CNGA3: variants seen among roughly 807,000 people sequenced by gnomAD.
CNGA3 encodes the protein cyclic nucleotide-gated channel alpha-3.
In CNGA3, 42 loss-of-function variants were observed where a neutral mutation model predicts 46.6. The ratio of observed to expected loss-of-function variants is 0.90; its 90% CI spans 0.70 to 1.17. CNGA3 has a LOEUF of 1.17. CNGA3 is among the 50% of genes most tolerant of loss of function. The probability of loss-of-function intolerance (pLI) is 0.00; values close to 1 mark genes in which losing one functional copy is unlikely to be tolerated. For synonymous variants in CNGA3, 394 were observed against 369.4 expected, an observed-to-expected ratio of 1.07 and a Z score of -0.76; for missense variants, 893 against 890.7, an observed-to-expected ratio of 1.00 and a Z score of -0.03.
At chr2:98,353,875 G>C (rs975153973) in intron 1 of CNGA3, among the ~76,000 whole-genome samples, 2 of 152,162 alleles carry the variant, frequency 1.3e-5, no homozygotes, top group Admixed American at 1.3e-4. Context: ...AGGGGCAAGT[G>C]GGGGAGGTGT....
At chr2:98,369,798 C>A in intron 1 of CNGA3, 141 bp from the exon 2 acceptor site, 1 of 627,880 alleles carries the variant, frequency 1.6e-6, no homozygotes, top group Non-Finnish European at 2.9e-6. Context: ...CTCACTGCAG[C>A]AGGAACTACA....
chr2:98,383,221 C>T (rs1692576075), intron 4 of CNGA3, among the ~76,000 whole-genome samples, 167 bp from the exon 5 acceptor site: 1 of 152,192 alleles, frequency 6.6e-6, no homozygotes, highest in African/African-American at 2.4e-5. Context: ...AATCACAAAG[C>T]ATTTTGGCCT....
chr2:98,355,256 C>T (rs1361723421), intron 1 of CNGA3, among the ~76,000 whole-genome samples: 2 of 152,122 alleles, frequency 1.3e-5, no homozygotes, highest in Admixed American at 1.3e-4. Context: ...TCGAAGTGTC[C>T]TTTCATGTAA....
At chr2:98,390,468 G>T (rs1162782340) in intron 6 of CNGA3, among the ~76,000 whole-genome samples, 2 of 152,084 alleles carry the variant, frequency 1.3e-5, no homozygotes, top group Non-Finnish European at 2.9e-5. Context: ...CTTCTAATAA[G>T]CAGAAGAGGG....
chr2:98,371,127 G>A (rs1692277897), intron 2 of CNGA3, among the ~76,000 whole-genome samples: 1 of 152,158 alleles, frequency 6.6e-6, no homozygotes, highest in Non-Finnish European at 1.5e-5. Context: ...ACCCAGCCAT[G>A]TTTGTTAAAT....
intron 1 of CNGA3, among the ~76,000 whole-genome samples, chr2:98,366,634 C>G (rs1427832840): frequency 2.0e-5 from 3 of 152,198 alleles, no homozygotes; most frequent in Non-Finnish European, 4.4e-5. Context: ...AGGGATGGGT[C>G]TGGGTTTAGC....
chr2:98,374,516 G>A (rs1028070667), intron 2 of CNGA3, among the ~76,000 whole-genome samples: 1 of 152,200 alleles, frequency 6.6e-6, no homozygotes, highest in African/African-American at 2.4e-5. Flanking sequence ...GCCACAGGCA[G>A]AACAGAGCCT....
Position 98,372,776 on chromosome 2 carries a change from T to C in CNGA3, c.101+2700T>C, listed in dbSNP as rs1692316420. Among the ~76,000 whole-genome samples the C allele has an allele frequency of 2.6e-5, 4 of 152,210 alleles. No individual in the cohort carries two copies. In the South Asian group the frequency reaches 8.3e-4, roughly 32 times the overall value. On this transcript the variant is annotated intron_variant, in intron 2 of 7. Coordinates refer to ENST00000272602, the MANE Select transcript of CNGA3 (RefSeq NM_001298.3). ...TGACTCCCACTCCCGGTCTTGGAAATGATTACTTCTTCCTGTGGCCCTTCT... is the reference window on the plus strand; with the variant it reads ...TGACTCCCACTCCCGGTCTTGGAAACGATTACTTCTTCCTGTGGCCCTTCT...
chr2:98,377,793 A>T lies in CNGA3; in HGVS notation c.208A>T (p.Ile70Phe), dbSNP rs1044383960. Residue 70 changes from isoleucine to phenylalanine, a missense_variant, in exon 3 of 8, where the codon ATC becomes TTC. Ile to Phe is a conservative substitution (Grantham distance 21). Transcript: ENST00000272602. ...SGQGSFTGQGIARLSRLIFLL... is the reference protein window; with the variant it reads ...SGQGSFTGQGFARLSRLIFLL... The stretch of plus-strand genomic sequence containing the variant: ...GCAGGGCTCCTTCACCGGCCAGGGG[A>T]TCGCCAGGTAACTGACCAGCCTCAG... 1 of 1,610,364 alleles carries T rather than the reference A, an allele frequency of 6.2e-7. No homozygotes were observed. Among genetic ancestry groups the T allele is most frequent in the African/African-American group, 1.3e-5 (1 of 74,862 alleles).
intron 6 of CNGA3, among the ~76,000 whole-genome samples, chr2:98,390,959 T>C (rs1274772924): frequency 1.3e-5 from 2 of 152,100 alleles, no homozygotes; most frequent in Non-Finnish European, 2.9e-5. Flanking sequence ...GGAGCCAGTA[T>C]GCAAAATGAG....
intron 1 of CNGA3, among the ~76,000 whole-genome samples, chr2:98,350,410 A>T (rs961628630): frequency 1.3e-5 from 2 of 152,224 alleles, no homozygotes; most frequent in African/African-American, 4.8e-5. Context: ...AAAGTTAATT[A>T]AGAAAAAAAA....
chr2:98,381,881 G>A (rs1995531), intron 4 of CNGA3, among the ~76,000 whole-genome samples: 138,751 of 152,172 alleles, frequency 0.91, 63,528 homozygotes, highest in African/African-American at 0.97. Context: ...GACAAAGTGG[G>A]GAAAGAGGAA....
At position 98,397,072 on chromosome 2, in the gene CNGA3, G is replaced by T. The variant is rs916798917; in HGVS notation, c.1902G>T (p.Gly634=). The T allele has an allele frequency of 4.3e-6, 7 of 1,614,020 alleles. No homozygotes were observed. The highest frequency in any genetic ancestry group is 1.6e-4 in the Middle Eastern group (1 of 6,084). ...TTGAGGAGAAAGTGGAGCAGCTGGG[G>T]TCCTCCCTGGACACCCTGCAGACCA... ...KDLEEKVEQL[G]SSLDTLQTRF... The change falls in exon 8 of 8, where the codon GGG becomes GGT. Residue 634 remains glycine (G), a synonymous_variant. Transcript: ENST00000272602.
chr2:98,367,113 G>A (rs1692171590), intron 1 of CNGA3, among the ~76,000 whole-genome samples: 1 of 150,716 alleles, frequency 6.6e-6, no homozygotes, highest in Non-Finnish European at 1.5e-5. Context: ...AGTTGCTGGT[G>A]CAGGATTCAC....
chr2:98,349,266 CA>C (rs796780938), intron 1 of CNGA3, among the ~76,000 whole-genome samples: 46 of 138,112 alleles, frequency 3.3e-4, no homozygotes, highest in Non-Finnish European at 5.4e-4. Flanking sequence ...TAGGTGGGGG[CA>C]AAAAAAAAAC....
chr2:98,387,807 C>A (rs1386352318), intron 5 of CNGA3, among the ~76,000 whole-genome samples: 2 of 152,184 alleles, frequency 1.3e-5, no homozygotes, highest in African/African-American at 4.8e-5. Context: ...TCACTTGATC[C>A]AGAGAGAGGT....
chr2:98,365,916 C>T (rs79562990), intron 1 of CNGA3, among the ~76,000 whole-genome samples: 2 of 152,204 alleles, frequency 1.3e-5, no homozygotes, highest in Non-Finnish European at 2.9e-5. Flanking sequence ...TCCATCTCGG[C>T]CTCAGCCCAG....
chr2:98,381,715 C>G (rs1692541711), intron 4 of CNGA3, among the ~76,000 whole-genome samples: 1 of 152,122 alleles, frequency 6.6e-6, no homozygotes, highest in African/African-American at 2.4e-5. Flanking sequence ...ACTGCAAACG[C>G]TTGGGTTTCC....
At chr2:98,394,140 G>C (rs1052905617) in intron 7 of CNGA3, among the ~76,000 whole-genome samples, 1 of 152,054 alleles carries the variant, frequency 6.6e-6, no homozygotes, top group Non-Finnish European at 1.5e-5. Context: ...GGGAAATTCT[G>C]ATGCTCACCG....
Sources: gnomAD v4.1 joint callset for allele counts (sites outside exome capture counted in the v4.1 genomes callset) on GRCh38, gnomAD v4.1.1 for gene constraint, MANE v1.5 for transcripts, NCBI Gene and HGNC (gene_info 2026-07-23, HGNC 2026-07-21) for gene names.